Variants in MXD1 observed in about 807,000 individuals in gnomAD.
MXD1 encodes MAX dimerization protein 1.
A neutral mutation model predicts 25.7 loss-of-function variants in MXD1; 9 were observed. The ratio of observed to expected loss-of-function variants is 0.35; its 90% CI spans 0.21 to 0.61. MXD1 has a LOEUF of 0.61. MXD1 is among the 20% of genes least tolerant of loss of function. MXD1 has a pLI of 0.75. For missense variants in MXD1, 227 were observed against 292.4 expected, an observed-to-expected ratio of 0.78 and a Z score of 1.63; for synonymous variants, 99 against 113.9, an observed-to-expected ratio of 0.87 and a Z score of 0.83.
chr2:69,931,487 T>C (rs1253469519), intron 3 of MXD1, among the ~76,000 whole-genome samples: 1 of 152,212 alleles, frequency 6.6e-6, no homozygotes, highest in African/African-American at 2.4e-5. Context: ...GTTCCATCCA[T>C]GTTGTTGCAA....
chr2:69,916,736 A>G (rs1480253840), intron 2 of MXD1, among the ~76,000 whole-genome samples: 2 of 152,204 alleles, frequency 1.3e-5, no homozygotes, highest in African/African-American at 4.8e-5. Flanking sequence ...TCTATTTGTA[A>G]TGGCAAAGAG....
chr2:69,928,480 CA>C (rs1677212940), intron 3 of MXD1, among the ~76,000 whole-genome samples: 2 of 152,006 alleles, frequency 1.3e-5, no homozygotes. Flanking sequence ...ATAGCTCCTA[CA>C]AATCATTCTG....
intron 3 of MXD1, among the ~76,000 whole-genome samples, chr2:69,927,666 G>A (rs1230899155): frequency 6.6e-6 from 1 of 152,156 alleles, no homozygotes; most frequent in Non-Finnish European, 1.5e-5. Flanking sequence ...TATATATGTT[G>A]TATTTGAAAA....
chr2:69,929,193 C>T (rs1258358673), intron 3 of MXD1, among the ~76,000 whole-genome samples: 1 of 152,184 alleles, frequency 6.6e-6, no homozygotes. Context: ...GCGCCCGGCC[C>T]AGCCTGTTAC....
Position 69,937,232 on chromosome 2 carries a change from C to T in MXD1, c.319-3C>T. 6.2e-7 allele frequency: 1 copy of T among 1,612,672 alleles called. No individual in the cohort carries two copies. The highest frequency in any genetic ancestry group is 1.1e-5 in the South Asian group (1 of 90,928). ...GCCCAACAACTACCCCTTTGACTTG[C>T]AGAAACTTGAAGATTGTGACAGAAA... is the stretch of plus-strand genomic sequence containing the variant. On this transcript the variant is annotated splice_region_variant and splice_polypyrimidine_tract_variant and intron_variant, in intron 4 of 5. Coordinates refer to ENST00000264444, the MANE Select transcript of MXD1 (RefSeq NM_002357.4).
chr2:69,937,338 T>C lies in MXD1; in HGVS notation c.422T>C (p.Ile141Thr). Reference sequence around the variant, plus strand: ...CTGGAGAAGCTGGGCATTGAGAGGATCCGGATGGACAGCATCGGCTCCACC... The same window carrying C: ...CTGGAGAAGCTGGGCATTGAGAGGACCCGGATGGACAGCATCGGCTCCACC... ...RQLEKLGIER[I>T]RMDSIGSTVS... The change falls in exon 5 of 6, where the codon ATC becomes ACC. Residue 141 changes from isoleucine to threonine, a missense_variant. Transcript: ENST00000264444. 6.2e-7 allele frequency: 1 copy of C among 1,614,004 alleles called. No homozygotes were observed. The highest frequency in any genetic ancestry group is 8.5e-7 in the Non-Finnish European group (1 of 1,179,994).
chr2:69,933,594 G>A (rs1677352972), intron 3 of MXD1, among the ~76,000 whole-genome samples: 1 of 152,168 alleles, frequency 6.6e-6, no homozygotes, highest in Non-Finnish European at 1.5e-5. Context: ...GAGCACCCTT[G>A]GAGAGTTTAG....
chr2:69,935,974 G>C (rs548226125), intron 4 of MXD1, among the ~76,000 whole-genome samples: 1 of 152,118 alleles, frequency 6.6e-6, no homozygotes, highest in African/African-American at 2.4e-5. Flanking sequence ...ATTCTGCCTT[G>C]CCTGGTCCTC....
chr2:69,923,869 A>G (rs1422316464), intron 3 of MXD1, among the ~76,000 whole-genome samples: 1 of 152,178 alleles, frequency 6.6e-6, no homozygotes, highest in African/African-American at 2.4e-5. Flanking sequence ...AACCGGGACT[A>G]TTTCTGCTGA....
chr2:69,928,358 A>G (rs532325941), intron 3 of MXD1, among the ~76,000 whole-genome samples: 5 of 152,330 alleles, frequency 3.3e-5, no homozygotes, highest in African/African-American at 1.2e-4. Context: ...AAGGAAGTTA[A>G]GTCAGATGGG....
In MXD1 at chr2:69,915,491, G is replaced by C; in HGVS notation, c.73+88G>C. 1 of 1,135,070 alleles carries C rather than the reference G, an allele frequency of 8.8e-7. No individual in the cohort carries two copies. Among genetic ancestry groups the C allele is most frequent in the Non-Finnish European group, 1.1e-6 (1 of 883,384 alleles). 70.3% of individuals were successfully genotyped at this position (1,135,070 alleles called of 1,614,324 possible). A position where few individuals can be genotyped will look rare whatever the true frequency, so the allele number is the denominator to read the frequency against. On this transcript the variant is annotated intron_variant, in intron 1 of 5. Transcript: ENST00000264444. The surrounding 1 kb of genome is among the most constrained non-coding windows in gnomAD (Gnocchi z 5.8). ...AGGTCCGGGCGCCCAGCCGCTCCGG[G>C]GGTGGTTGGAGGCGGGGAGACCGCG...
intron 2 of MXD1, among the ~76,000 whole-genome samples, chr2:69,917,081 G>A (rs1204701901): frequency 1.3e-5 from 2 of 151,994 alleles, no homozygotes; most frequent in South Asian, 2.1e-4. Flanking sequence ...TGACCTTTTC[G>A]TCACTAGTTT....
At chr2:69,926,502 G>C (rs1677174002) in intron 3 of MXD1, among the ~76,000 whole-genome samples, 1 of 152,104 alleles carries the variant, frequency 6.6e-6, no homozygotes, top group South Asian at 2.1e-4. Flanking sequence ...TTATATATTA[G>C]ATCTTTTCAT....
intron 3 of MXD1, among the ~76,000 whole-genome samples, chr2:69,934,650 T>C (rs1322893953): frequency 2.0e-5 from 3 of 152,244 alleles, no homozygotes; most frequent in African/African-American, 4.8e-5. Context: ...AACATGAATA[T>C]AGATTCTTGT....
intron 3 of MXD1, among the ~76,000 whole-genome samples, chr2:69,925,966 T>C (rs10200718): frequency 0.021 from 3,230 of 152,264 alleles, 106 homozygotes; most frequent in South Asian, 0.073. Flanking sequence ...AGGCAACTTG[T>C]TTTAATTTGC....
At chr2:69,933,625 G>T (rs1677353369) in intron 3 of MXD1, among the ~76,000 whole-genome samples, 1 of 152,152 alleles carries the variant, frequency 6.6e-6, no homozygotes. Flanking sequence ...TCATGACCTA[G>T]AAGAGGCAGG....
rs1409986724 is a variant in MXD1, at chr2:69,937,357, C to G, written c.441C>G (p.Gly147=). 7 of 1,613,520 alleles carry G rather than the reference C, an allele frequency of 4.3e-6. No individual in the cohort carries two copies. The highest frequency in any genetic ancestry group is 5.9e-6 in the Non-Finnish European group (7 of 1,179,734). Reference sequence around the variant, plus strand: ...AGAGGATCCGGATGGACAGCATCGGCTCCACCGTCTCCTCGGAGCGCTCCG... The same window carrying G: ...AGAGGATCCGGATGGACAGCATCGGGTCCACCGTCTCCTCGGAGCGCTCCG... The part of the protein sequence containing the change: ...GIERIRMDSI[G]STVSSERSDS... The change falls in exon 5 of 6, where the codon GGC becomes GGG. Residue 147 remains glycine, a synonymous_variant. Coordinates refer to ENST00000264444, the MANE Select transcript of MXD1 (RefSeq NM_002357.4).
chr2:69,920,657 T>A (rs1052052806), intron 2 of MXD1, among the ~76,000 whole-genome samples: 3 of 152,222 alleles, frequency 2.0e-5, no homozygotes, highest in African/African-American at 4.8e-5. Flanking sequence ...AGGTGCTGAT[T>A]ATGGCCCCAC....
In MXD1 at chr2:69,915,541, C is replaced by G; in HGVS notation, c.73+138C>G. On this transcript the variant is annotated intron_variant, in intron 1 of 5. Coordinates refer to ENST00000264444, the MANE Select transcript of MXD1 (RefSeq NM_002357.4). The surrounding 1 kb of genome is among the most constrained non-coding windows in gnomAD (Gnocchi z 5.8). ...GAGCGCTCCCAACCCCTCTGGCTCT[C>G]CCCACGCGCGGTCCGAAGGGAAGCC... 1.6e-6 allele frequency: 1 copy of G among 617,530 alleles called. No individual in the cohort carries two copies. Among genetic ancestry groups the G allele is most frequent in the Non-Finnish European group, 2.4e-6 (1 of 416,968 alleles). 38.3% of individuals were successfully genotyped at this position (617,530 alleles called of 1,614,324 possible). A position where few individuals can be genotyped will look rare whatever the true frequency, so the allele number is the denominator to read the frequency against.
Sources: gnomAD v4.1 joint callset for allele counts (sites outside exome capture counted in the v4.1 genomes callset) on GRCh38, gnomAD v4.1.1 for gene constraint, Gnocchi (gnomAD v3.1) non-coding constraint, MANE v1.5 for transcripts, NCBI Gene and HGNC (gene_info 2026-07-23, HGNC 2026-07-21) for gene names.